L3MBTL4: variants seen among roughly 807,000 people sequenced by gnomAD.
The protein encoded by L3MBTL4 is lethal(3)malignant brain tumor-like protein 4.
In L3MBTL4, 70 loss-of-function variants were observed where a neutral mutation model predicts 84.5. That is an observed-to-expected ratio of 0.83 (90% confidence interval 0.68 to 1.01). The LOEUF (loss-of-function observed/expected upper bound fraction) is 1.01, where lower values mean the gene tolerates loss of function less well. L3MBTL4 is among the 50% of genes least tolerant of loss of function. The probability of loss-of-function intolerance (pLI) is 0.00; values close to 1 mark genes in which losing one functional copy is unlikely to be tolerated. For synonymous variants in L3MBTL4, 274 were observed against 259.8 expected, an observed-to-expected ratio of 1.05 and a Z score of -0.52; for missense variants, 715 against 754.8, an observed-to-expected ratio of 0.95 and a Z score of 0.62.
chr18:6,088,131 A>C (rs1254870293), intron 15 of L3MBTL4, among the ~76,000 whole-genome samples: 1 of 152,238 alleles, frequency 6.6e-6, no homozygotes, highest in Admixed American at 6.5e-5. Flanking sequence ...GCAGACACAC[A>C]AATAAGCTGC....
chr18:6,106,344 C>A (rs564904059), intron 14 of L3MBTL4, among the ~76,000 whole-genome samples: 34 of 152,154 alleles, frequency 2.2e-4, no homozygotes, highest in Non-Finnish European at 3.2e-4. Context: ...TTATATAACA[C>A]CCTTGGTATT....
At chr18:6,289,012 A>C (rs2049722297) in intron 4 of L3MBTL4, among the ~76,000 whole-genome samples, 1 of 152,024 alleles carries the variant, frequency 6.6e-6, no homozygotes, top group Non-Finnish European at 1.5e-5. Context: ...AATAATCAAA[A>C]TATAAATTTA....
chr18:6,092,484 A>G (rs563897227), intron 15 of L3MBTL4, among the ~76,000 whole-genome samples: 6 of 152,358 alleles, frequency 3.9e-5, no homozygotes, highest in African/African-American at 1.4e-4. Context: ...TCTGAGGCTT[A>G]GGAGAAGCAG....
chr18:6,024,890 T>A (rs1232632414), intron 16 of L3MBTL4, among the ~76,000 whole-genome samples: 1 of 152,236 alleles, frequency 6.6e-6, no homozygotes, highest in Non-Finnish European at 1.5e-5. Context: ...AGTTTATGAC[T>A]GTGAAAAGGT....
intron 5 of L3MBTL4, among the ~76,000 whole-genome samples, chr18:6,244,950 C>T (rs1040868200): frequency 1.3e-5 from 2 of 152,068 alleles, no homozygotes; most frequent in Non-Finnish European, 2.9e-5. Context: ...TTGAGATGGA[C>T]TCTTGCTGGA....
chr18:6,140,660 T>C (rs2060170276), intron 13 of L3MBTL4, among the ~76,000 whole-genome samples: 1 of 152,076 alleles, frequency 6.6e-6, no homozygotes, highest in East Asian at 1.9e-4. Flanking sequence ...CTTGATCTCA[T>C]CACCTCCCAT....
chr18:6,232,942 T>G (rs1043126063), intron 10 of L3MBTL4, among the ~76,000 whole-genome samples: 1 of 152,084 alleles, frequency 6.6e-6, no homozygotes, highest in Non-Finnish European at 1.5e-5. Flanking sequence ...CAAACCAAAT[T>G]CAGCAGCACA....
intron 8 of L3MBTL4, among the ~76,000 whole-genome samples, chr18:6,240,580 G>A (rs1368578376): frequency 6.6e-6 from 1 of 152,070 alleles, no homozygotes; most frequent in Non-Finnish European, 1.5e-5. Context: ...GATTTAGGGA[G>A]TACATACAGT....
intron 14 of L3MBTL4, among the ~76,000 whole-genome samples, chr18:6,113,801 A>G (rs1270278293): frequency 3.3e-5 from 5 of 152,214 alleles, no homozygotes; most frequent in Non-Finnish European, 7.3e-5. Context: ...AACACTGGAT[A>G]TTGAACGCCC....
At chr18:6,207,227 A>G (rs1475529604) in intron 12 of L3MBTL4, among the ~76,000 whole-genome samples, 1 of 152,154 alleles carries the variant, frequency 6.6e-6, no homozygotes, top group Non-Finnish European at 1.5e-5. Flanking sequence ...TACTGCAGAG[A>G]CCACATGGCC....
intron 16 of L3MBTL4, among the ~76,000 whole-genome samples, chr18:6,011,120 T>A (rs1490993273): frequency 1.3e-5 from 2 of 152,214 alleles, no homozygotes; most frequent in African/African-American, 4.8e-5. Flanking sequence ...AACAGAATAA[T>A]TTATCAACTT....
chr18:6,330,903 C>T (rs10493576), intron 1 of L3MBTL4, among the ~76,000 whole-genome samples: 8,467 of 152,164 alleles, frequency 0.056, 701 homozygotes, highest in African/African-American at 0.18. Flanking sequence ...AAATCTATAT[C>T]TAGTTATTTT....
Position 6,034,186 on chromosome 18 carries a change from G to A in L3MBTL4, c.1444+46695C>T, listed in dbSNP as rs2055985510. Among the ~76,000 whole-genome samples the A allele has an allele frequency of 2.0e-5, 3 of 151,628 alleles. No homozygotes were observed. The South Asian group carries it at 6.3e-4, about 32-fold the overall frequency. On this transcript the variant is annotated intron_variant, in intron 16 of 18. Transcript: ENST00000317931. The stretch of plus-strand genomic sequence containing the variant: ...ATTATACTTTAAGTTTTAGGTACAT[G>A]TGCACAATGTGCAGGTTAGTTACAT...
chr18:6,244,094 GTGAA>G (rs2047559240), intron 6 of L3MBTL4, among the ~76,000 whole-genome samples: 1 of 152,016 alleles, frequency 6.6e-6, no homozygotes, highest in Admixed American at 6.6e-5. Flanking sequence ...TTTTCATAAA[GTGAA>G]TGTATTTATA....
intron 5 of L3MBTL4, among the ~76,000 whole-genome samples, chr18:6,245,274 T>C (rs897311158): frequency 2.0e-5 from 3 of 152,196 alleles, no homozygotes; most frequent in African/African-American, 7.2e-5. Context: ...TGTTCTTATA[T>C]GTAGTTAGTG....
intron 3 of L3MBTL4, among the ~76,000 whole-genome samples, chr18:6,303,159 T>C (rs1020813532): frequency 6.6e-6 from 1 of 152,158 alleles, no homozygotes; most frequent in Admixed American, 6.5e-5. Context: ...GAAGTCTTGC[T>C]CTGTCACCCA....
chr18:5,968,364 A>AT (rs377273068), intron 17 of L3MBTL4, among the ~76,000 whole-genome samples: 5 of 152,188 alleles, frequency 3.3e-5, no homozygotes, highest in African/African-American at 1.2e-4. Flanking sequence ...TTTCTACAGC[A>AT]TTATTGTAAA....
At chr18:5,997,466 C>T (rs925402581) in intron 16 of L3MBTL4, among the ~76,000 whole-genome samples, 1 of 152,206 alleles carries the variant, frequency 6.6e-6, no homozygotes, top group African/African-American at 2.4e-5. Context: ...TTCCTCAGCC[C>T]TGTGGTTTCA....
chr18:6,337,247 A>C (rs1474704037), intron 1 of L3MBTL4, among the ~76,000 whole-genome samples: 1 of 152,168 alleles, frequency 6.6e-6, no homozygotes, highest in African/African-American at 2.4e-5. Flanking sequence ...AAAATGTTCC[A>C]AAACTGAGAA....
Sources: allele counts gnomAD v4.1 joint callset (sites outside exome capture counted in the v4.1 genomes callset), GRCh38; gene constraint gnomAD v4.1.1; transcripts MANE v1.5; gene names NCBI Gene and HGNC (gene_info 2026-07-23, HGNC 2026-07-21).